ROS1: variants seen among roughly 807,000 people sequenced by gnomAD.
The protein encoded by ROS1 is ROS proto-oncogene 1, receptor tyrosine kinase.
Under a neutral mutation model 273.5 loss-of-function variants are expected in ROS1, and 263 were observed. That is an observed-to-expected ratio of 0.96 (90% CI 0.87 to 1.06). The LOEUF (loss-of-function observed/expected upper bound fraction) is 1.06, where lower values mean the gene tolerates loss of function less well. Ranked by LOEUF, ROS1 falls within the 50% of genes least tolerant of loss-of-function variation. ROS1 has a pLI of 0.00. For missense variants in ROS1, 2,833 were observed against 2,751.1 expected (o/e 1.03, Z -0.67); for synonymous variants, 1,008 against 954.1 (o/e 1.06, Z -1.04).
At chr6:117,399,673 G>A (rs184607898) in intron 7 of ROS1, among the ~76,000 whole-genome samples, 13 of 152,350 alleles carry the variant, frequency 8.5e-5, no homozygotes, top group Admixed American at 8.5e-4. Context: ...CTCCCTCGGT[G>A]TCTGCCCCAG....
chr6:117,407,446 G>A (rs753241658), intron 5 of ROS1, among the ~76,000 whole-genome samples: 10 of 152,164 alleles, frequency 6.6e-5, no homozygotes, highest in Non-Finnish European at 1.2e-4. Flanking sequence ...AGAGGGAGCT[G>A]ATAAACACCC....
Position 117,403,166 on chromosome 6 carries a change from G to T in ROS1, c.577C>A (p.Pro193Thr). Residue 193 changes from proline to threonine, a missense_variant, in exon 7 of 44, where the codon CCC becomes ACC. By Grantham distance (38) the Pro-to-Thr change is conservative (BLOSUM62 -1). Transcript: ENST00000368507. ...AQLQLYSPPS[P>T]SYRTHPHGVP... is the part of the protein sequence containing the mutation. ...CCATGAGGATGAGTCCTGTAACTGG[G>T]ACTTGGAGGGGAGTAGAGCTGCAGC... is the stretch of plus-strand genomic sequence containing the variant. 6.2e-7 allele frequency: 1 copy of T among 1,613,740 alleles called. No homozygotes were observed. Among genetic ancestry groups the T allele is most frequent in the East Asian group, 2.2e-5 (1 of 44,882 alleles).
At position 117,404,434 on chromosome 6, in the gene ROS1, GA is replaced by G; in HGVS notation, c.317-7del. The G allele has an allele frequency of 4.3e-6, 7 of 1,611,358 alleles. No individual in the cohort carries two copies. The highest frequency in any genetic ancestry group is 5.1e-6 in the Non-Finnish European group (6 of 1,178,778). ...AGTTGGTAGGTCTGCATTTTCTGGGGAAAAAACAAGATTTCACTCACCACGC... is the reference window on the plus strand; with the variant it reads ...AGTTGGTAGGTCTGCATTTTCTGGGGAAAAACAAGATTTCACTCACCACGC... On this transcript the variant is annotated splice_polypyrimidine_tract_variant and splice_region_variant and intron_variant, in intron 5 of 43. Coordinates refer to ENST00000368507, the MANE Select transcript of ROS1 (RefSeq NM_001378902.1).
At chr6:117,359,739 T>C (rs1779625039) in intron 24 of ROS1, 70 bp downstream of exon 24, 2 of 1,260,436 alleles carry the variant, frequency 1.6e-6, no homozygotes, top group Non-Finnish European at 1.1e-6. Flanking sequence ...CCAGTCATTT[T>C]AACTACAAAG....
intron 39 of ROS1, among the ~76,000 whole-genome samples, chr6:117,313,808 G>A (rs1348806049): frequency 6.6e-6 from 1 of 152,114 alleles, no homozygotes; most frequent in African/African-American, 2.4e-5. Flanking sequence ...GTGGGGAGAG[G>A]CTGGCCTCAA....
At chr6:117,318,054 T>G (rs1374317010) in intron 38 of ROS1, 134 bp downstream of exon 38, 25 of 677,782 alleles carry the variant, frequency 3.7e-5, no homozygotes, top group Middle Eastern at 5.1e-4. Context: ...TCTGCAGATG[T>G]AGTTCCATTT....
At chr6:117,359,168 G>T (rs1417754823) in intron 24 of ROS1, among the ~76,000 whole-genome samples, 1 of 152,046 alleles carries the variant, frequency 6.6e-6, no homozygotes, top group Non-Finnish European at 1.5e-5. Context: ...TTGTTTCCAA[G>T]ATGTTTTTCC....
At chr6:117,297,176 T>C (rs368090623) in intron 43 of ROS1, among the ~76,000 whole-genome samples, 2 of 152,188 alleles carry the variant, frequency 1.3e-5, no homozygotes, top group East Asian at 3.9e-4. Context: ...TGCAGAAGAA[T>C]GAAACTGGAC....
At chr6:117,329,165 G>A (rs979753273) in intron 33 of ROS1, among the ~76,000 whole-genome samples, 164 bp downstream of exon 33, 2 of 152,178 alleles carry the variant, frequency 1.3e-5, no homozygotes, top group Non-Finnish European at 2.9e-5. Flanking sequence ...CAAGACCAAC[G>A]TCTAGGAATT....
intron 27 of ROS1, among the ~76,000 whole-genome samples, chr6:117,345,637 T>C (rs973724069): frequency 6.6e-6 from 1 of 152,004 alleles, no homozygotes; most frequent in African/African-American, 2.4e-5. Flanking sequence ...AATTAGGGGG[T>C]AAATGTCTAA....
Position 117,388,034 on chromosome 6 carries a change from T to G in ROS1, c.1787-42A>C, listed in dbSNP as rs185334662. Reference sequence around the variant, plus strand: ...AATAATATCACTGATCAGGATGACATCTGCAAGGGCAAACCAAGGATTCTC... The same window carrying G: ...AATAATATCACTGATCAGGATGACAGCTGCAAGGGCAAACCAAGGATTCTC... On this transcript the variant is annotated intron_variant, in intron 13 of 43. Transcript: ENST00000368507. 1.2e-4 allele frequency: 195 copies of G among 1,612,238 alleles called. 1 individual carries two copies. The highest frequency in any genetic ancestry group is 1.0e-5 in the Non-Finnish European group (12 of 1,179,168).
intron 33 of ROS1, chr6:117,328,342 C>T (rs1196956609): frequency 1.2e-5 from 3 of 254,848 alleles, no homozygotes; most frequent in Non-Finnish European, 2.3e-5. Flanking sequence ...CAGGGTAACA[C>T]ACAAAAGAGG....
Position 117,379,096 on chromosome 6 carries a change from A to G in ROS1, c.2545T>C (p.Cys849Arg). 5.6e-6 allele frequency: 9 copies of G among 1,613,404 alleles called. No homozygotes were observed. Among genetic ancestry groups the G allele is most frequent in the Non-Finnish European group, 6.8e-6 (8 of 1,179,392 alleles). ...LLYWLVQDSQ[C>R]IHLYTAVLRG... ...AGAACAGCTGTGTACAGGTGAATAC[A>G]TTGACTGTCTTGAACCAACCAATAC... Residue 849 changes from cysteine to arginine, a missense_variant, in exon 18 of 44, where the codon TGT becomes CGT. By Grantham distance (180) the Cys-to-Arg change is radical. Transcript: ENST00000368507.
chr6:117,420,325 C>G (rs562118299), intron 1 of ROS1, among the ~76,000 whole-genome samples: 1 of 150,780 alleles, frequency 6.6e-6, no homozygotes, highest in Admixed American at 6.7e-5. Context: ...TCCCAGATCT[C>G]AAACTTTCTT....
Position 117,320,001 on chromosome 6 carries a change from T to C in ROS1, c.5789A>G (p.Asn1930Ser), listed in dbSNP as rs1266834243. 1.3e-5 allele frequency: 21 copies of C among 1,613,264 alleles called. No homozygotes were observed. The highest frequency in any genetic ancestry group is 4.5e-5 in the East Asian group (2 of 44,850). ...TTTTTCCCGAGGGAAGGCAGGAAGA[T>C]TTTCAATCTCCTCTTGGGTTGGAAG... ...HTLPTQEEIE[N>S]LPAFPREKLT... Residue 1930 changes from asparagine (N) to serine (S), a missense_variant, in exon 37 of 44, where the codon AAT (asparagine) becomes AGT (serine). By Grantham distance (46) the Asn-to-Ser change is conservative (BLOSUM62 1). Coordinates refer to ENST00000368507, the MANE Select transcript of ROS1 (RefSeq NM_001378902.1).
At chr6:117,364,915 A>G (rs976738428) in intron 21 of ROS1, 145 bp downstream of exon 21, 2 of 692,164 alleles carry the variant, frequency 2.9e-6, no homozygotes, top group African/African-American at 1.8e-5. Context: ...CGCTATTCTA[A>G]TCTCCAAAAA....
chr6:117,406,574 G>A (rs568632721), intron 5 of ROS1, among the ~76,000 whole-genome samples: 8 of 152,206 alleles, frequency 5.3e-5, no homozygotes, highest in South Asian at 2.1e-4. Flanking sequence ...AATTAAGTTG[G>A]TAATATAATT....
chr6:117,332,101 C>T (rs544576069), intron 32 of ROS1, among the ~76,000 whole-genome samples: 2 of 149,696 alleles, frequency 1.3e-5, no homozygotes, highest in East Asian at 4.0e-4. Context: ...ATCTATCTTA[C>T]ATGCAAAGAC....
intron 18 of ROS1, among the ~76,000 whole-genome samples, chr6:117,368,854 G>T (rs1223622547): frequency 1.3e-5 from 2 of 151,822 alleles, no homozygotes; most frequent in Non-Finnish European, 2.9e-5. Flanking sequence ...GAACGTCCAA[G>T]AATTAATGTG....
Sources: allele counts gnomAD v4.1 joint callset (sites outside exome capture counted in the v4.1 genomes callset), GRCh38; gene constraint gnomAD v4.1.1; transcripts MANE v1.5; gene names NCBI Gene and HGNC (gene_info 2026-07-23, HGNC 2026-07-21).